The following LOC128706666 variants were observed in gnomAD, a reference collection of about 807,000 sequenced individuals.
chr20:10,423,314 G>A, the LOC128706666 span, among the ~76,000 whole-genome samples: 1 of 152,076 alleles, frequency 6.6e-6, no homozygotes, highest in South Asian at 2.1e-4. Context: ...AGCTGCGTGG[G>A]GGGTGCTGAG....
the LOC128706666 span, among the ~76,000 whole-genome samples, chr20:10,432,817 C>A: frequency 4.2e-5 from 4 of 94,900 alleles, no homozygotes; most frequent in Admixed American, 2.1e-4. Flanking sequence ...AAAAAAAAAT[C>A]GTGTAGTTTT....
chr20:10,429,715 T>C, the LOC128706666 span, among the ~76,000 whole-genome samples: 1 of 152,188 alleles, frequency 6.6e-6, no homozygotes, highest in South Asian at 2.1e-4. Flanking sequence ...TAAGTGTTTC[T>C]TTACATAATC....
the LOC128706666 span, among the ~76,000 whole-genome samples, chr20:10,427,662 C>T: frequency 5.3e-5 from 8 of 152,320 alleles, no homozygotes; most frequent in African/African-American, 1.7e-4. Flanking sequence ...ACGTGGTCTT[C>T]AACTGTGCTA....
the LOC128706666 span, among the ~76,000 whole-genome samples, chr20:10,415,561 T>C: frequency 2.6e-5 from 4 of 152,184 alleles, no homozygotes; most frequent in South Asian, 4.1e-4. Context: ...AATCTGTTTA[T>C]TGATGCCAGG....
At chr20:10,421,413 T>A in the LOC128706666 span, among the ~76,000 whole-genome samples, 47 of 103,742 alleles carry the variant, frequency 4.5e-4, no homozygotes, top group African/African-American at 1.6e-3. Flanking sequence ...TGAGACTCCA[T>A]CACAAAAAAA....
At chr20:10,426,757 C>T in the LOC128706666 span, among the ~76,000 whole-genome samples, 5 of 152,148 alleles carry the variant, frequency 3.3e-5, no homozygotes, top group Non-Finnish European at 1.5e-5. Flanking sequence ...TGTCATTTCA[C>T]TTGTCCAAAA....
At chr20:10,414,622 A>G in the LOC128706666 span, among the ~76,000 whole-genome samples, 9 of 152,318 alleles carry the variant, frequency 5.9e-5, no homozygotes, top group Non-Finnish European at 1.3e-4. Flanking sequence ...TGAAGATTTA[A>G]TATTATGTTT....
At chr20:10,429,782 C>T in the LOC128706666 span, among the ~76,000 whole-genome samples, 3 of 152,174 alleles carry the variant, frequency 2.0e-5, no homozygotes, top group African/African-American at 7.2e-5. Context: ...CTCCTTGCTT[C>T]AATTCCAGTA....
chr20:10,414,147 C>G, the LOC128706666 span, among the ~76,000 whole-genome samples: 4 of 152,044 alleles, frequency 2.6e-5, no homozygotes, highest in African/African-American at 9.7e-5. Flanking sequence ...GCTTGTATTT[C>G]AGTGATTCTG....
the LOC128706666 span, among the ~76,000 whole-genome samples, chr20:10,414,868 G>A: frequency 6.6e-6 from 1 of 152,056 alleles, no homozygotes; most frequent in Non-Finnish European, 1.5e-5. Flanking sequence ...ATCATTTTAC[G>A]TTATCAATCA....
At chr20:10,417,669 TGTA>T in the LOC128706666 span, among the ~76,000 whole-genome samples, 2 of 52,822 alleles carry the variant, frequency 3.8e-5, no homozygotes, top group Non-Finnish European at 7.6e-5. Flanking sequence ...TAGCCTTCTC[TGTA>T]AAAAAAAAAA....
chr20:10,424,068 G>C, the LOC128706666 span, among the ~76,000 whole-genome samples: 1 of 152,304 alleles, frequency 6.6e-6, no homozygotes, highest in South Asian at 2.1e-4. Flanking sequence ...ATTAGGATCA[G>C]TATGGAAGGG....
the LOC128706666 span, among the ~76,000 whole-genome samples, chr20:10,427,063 C>CAG: frequency 6.9e-6 from 1 of 145,394 alleles, no homozygotes; most frequent in Admixed American, 6.8e-5. Flanking sequence ...CACACACACA[C>CAG]ACACACACAC....
the LOC128706666 span, among the ~76,000 whole-genome samples, chr20:10,415,647 C>T: frequency 3.3e-5 from 5 of 152,150 alleles, no homozygotes; most frequent in East Asian, 7.7e-4. Context: ...TAAATGAAAC[C>T]TCACAAAGTG....
At chr20:10,429,902 G>A in the LOC128706666 span, among the ~76,000 whole-genome samples, 1 of 152,092 alleles carries the variant, frequency 6.6e-6, no homozygotes, top group Non-Finnish European at 1.5e-5. Context: ...GAAACTCTAG[G>A]GTGGGGTCCA....
chr20:10,427,621 T>C, the LOC128706666 span, among the ~76,000 whole-genome samples: 1 of 152,250 alleles, frequency 6.6e-6, no homozygotes, highest in Non-Finnish European at 1.5e-5. Flanking sequence ...AATTGTGGCA[T>C]TTTTTCTGTG....
At chr20:10,429,454 C>T in the LOC128706666 span, among the ~76,000 whole-genome samples, 1 of 152,182 alleles carries the variant, frequency 6.6e-6, no homozygotes, top group Non-Finnish European at 1.5e-5. Context: ...CGTTCATCTC[C>T]AGCTTAGACC....
chr20:10,420,590 G>A, the LOC128706666 span: 1 of 152,194 alleles, frequency 6.6e-6, no homozygotes, highest in Non-Finnish European at 1.5e-5. Flanking sequence ...GAAAGTCCCA[G>A]ACTATCTTGC....
the LOC128706666 span, among the ~76,000 whole-genome samples, chr20:10,432,745 C>T: frequency 8.0e-6 from 1 of 124,610 alleles, no homozygotes; most frequent in Non-Finnish European, 1.6e-5. Flanking sequence ...GCACAGTGAG[C>T]AGAGATCCAG....
Sources: allele counts gnomAD v4.1 joint callset (sites outside exome capture counted in the v4.1 genomes callset), GRCh38; gene constraint gnomAD v4.1.1; transcripts MANE v1.5.